PCDHGB1: variants seen among roughly 807,000 people sequenced by gnomAD.
The protein encoded by PCDHGB1 is protocadherin gamma subfamily B, 1.
Under a neutral mutation model 56.6 loss-of-function variants are expected in PCDHGB1, and 34 were observed. The ratio of observed to expected loss-of-function variants is 0.60; its 90% CI spans 0.46 to 0.80. PCDHGB1 has a LOEUF of 0.80. Among genes scored for constraint, PCDHGB1 ranks in the 30% least tolerant of loss-of-function variants. PCDHGB1 has a pLI of 0.00. For missense variants in PCDHGB1, 1,278 were observed against 1,204.6 expected (o/e 1.06, Z -0.90); for synonymous variants, 561 against 505.9 (o/e 1.11, Z -1.46).
At chr5:141,394,060 C>T (rs1437765710) in intron 1 of PCDHGB1, 1 of 1,613,662 alleles carries the variant, frequency 6.2e-7, no homozygotes, top group Non-Finnish European at 8.5e-7. Context: ...GAAAATGTCT[C>T]TATCTACAAT....
intron 1 of PCDHGB1, among the ~76,000 whole-genome samples, chr5:141,483,652 G>A (rs746306843): frequency 2.0e-5 from 3 of 151,916 alleles, no homozygotes; most frequent in Non-Finnish European, 4.4e-5. Context: ...GTGTGTTTGT[G>A]TGTGTGTGTG....
intron 1 of PCDHGB1, chr5:141,383,705 T>A: frequency 1.2e-6 from 2 of 1,614,020 alleles, no homozygotes; most frequent in Non-Finnish European, 1.7e-6. Flanking sequence ...GCTATCGACC[T>A]GGACGAGGGA....
Position 141,492,511 on chromosome 5 carries a change from C to T in PCDHGB1, c.2410-2296C>T, listed in dbSNP as rs58889912. Among the ~76,000 whole-genome samples the T allele has an allele frequency of 1.7e-3, 262 of 152,326 alleles. 2 individuals are homozygous for T. The highest frequency in any genetic ancestry group is 6.0e-3 in the African/African-American group (249 of 41,582). On this transcript the variant is annotated intron_variant, in intron 1 of 3. Coordinates refer to ENST00000523390, the MANE Select transcript of PCDHGB1 (RefSeq NM_018922.3). Reference sequence around the variant, plus strand: ...CCAGGCGAGGACTCCGGAGCCTCCTCTCACCTCTCCCACCTGCGCCCCGGG... The same window carrying T: ...CCAGGCGAGGACTCCGGAGCCTCCTTTCACCTCTCCCACCTGCGCCCCGGG...
At chr5:141,399,597 C>A in intron 1 of PCDHGB1, 3 of 1,613,958 alleles carry the variant, frequency 1.9e-6, no homozygotes, top group Non-Finnish European at 2.5e-6. Context: ...TCATGGCCAG[C>A]GACCTAGAGC....
In PCDHGB1 at chr5:141,384,908, A is replaced by C. The variant is rs868472813; in HGVS notation, c.2409+32239A>C. 24 of 1,613,860 alleles carry C rather than the reference A, an allele frequency of 1.5e-5. 1 individual carries two copies. The highest frequency in any genetic ancestry group is 9.9e-5 in the South Asian group (9 of 91,086). ...GTGGCTGTGGCTGACAGCATCCCCG[A>C]AGTCTTGGCCGACCTGGGCAGCCTT... On this transcript the variant is annotated intron_variant, in intron 1 of 3. Coordinates refer to ENST00000523390, the MANE Select transcript of PCDHGB1 (RefSeq NM_018922.3).
chr5:141,381,582 C>T (rs1777289375), intron 1 of PCDHGB1, among the ~76,000 whole-genome samples: 1 of 152,154 alleles, frequency 6.6e-6, no homozygotes, highest in African/African-American at 2.4e-5. Flanking sequence ...TCAGCCAATC[C>T]ATTATCCAGT....
intron 1 of PCDHGB1, chr5:141,428,257 G>T: frequency 1.2e-6 from 1 of 865,866 alleles, no homozygotes; most frequent in South Asian, 1.4e-5. Context: ...AGACTTCAGT[G>T]ACAGTCCTGT....
chr5:141,383,412 G>C (rs1417112594), intron 1 of PCDHGB1: 3 of 1,613,874 alleles, frequency 1.9e-6, no homozygotes, highest in East Asian at 2.2e-5. Context: ...AGAGTTACCA[G>C]CTCAGCCCCA....
At chr5:141,506,188 C>T (rs925159785) in intron 3 of PCDHGB1, among the ~76,000 whole-genome samples, 2 of 152,058 alleles carry the variant, frequency 1.3e-5, no homozygotes, top group African/African-American at 4.8e-5. Flanking sequence ...TGGTGGCTCA[C>T]GCCTGTAATC....
intron 1 of PCDHGB1, among the ~76,000 whole-genome samples, chr5:141,437,771 A>G (rs971065583): frequency 7.9e-5 from 12 of 151,238 alleles, no homozygotes; most frequent in Admixed American, 6.6e-5. Context: ...CAGAGTCTCA[A>G]TCTGTCGCCA....
At chr5:141,383,279 A>G in intron 1 of PCDHGB1, 7 of 1,613,948 alleles carry the variant, frequency 4.3e-6, no homozygotes, top group Non-Finnish European at 5.9e-6. Context: ...ATAGATATTA[A>G]TGACAACGTT....
intron 1 of PCDHGB1, among the ~76,000 whole-genome samples, chr5:141,455,160 G>GTT (rs59530096): frequency 1.3e-4 from 20 of 149,232 alleles, no homozygotes; most frequent in South Asian, 1.1e-3. Flanking sequence ...TAGTTTGTTG[G>GTT]TTTTTTTTTT....
chr5:141,507,075 C>T (rs1006779614), intron 3 of PCDHGB1: 25 of 152,176 alleles, frequency 1.6e-4, no homozygotes, highest in Admixed American at 1.1e-3. Context: ...CCTGGCTCAA[C>T]TCCTAAGTTT....
intron 1 of PCDHGB1, among the ~76,000 whole-genome samples, chr5:141,435,219 C>A (rs1226171884): frequency 6.6e-6 from 1 of 152,118 alleles, no homozygotes; most frequent in Non-Finnish European, 1.5e-5. Flanking sequence ...AATTTACTTT[C>A]TTTCAAAGTT....
At chr5:141,461,131 T>G (rs1372557827) in intron 1 of PCDHGB1, among the ~76,000 whole-genome samples, 1 of 152,094 alleles carries the variant, frequency 6.6e-6, no homozygotes, top group Non-Finnish European at 1.5e-5. Flanking sequence ...TATAATTACT[T>G]ATTTTCCTTT....
intron 1 of PCDHGB1, among the ~76,000 whole-genome samples, chr5:141,381,748 T>C (rs1252356879): frequency 6.6e-6 from 1 of 152,130 alleles, no homozygotes; most frequent in Non-Finnish European, 1.5e-5. Context: ...GATTCCGACA[T>C]TGTTCTACTA....
Position 141,431,534 on chromosome 5 carries a change from A to G in PCDHGB1, c.2410-63273A>G, listed in dbSNP as rs1331176313. Reference sequence around the variant, plus strand: ...CGTTCCGGAGAATCTGGCCTTGGGCACGCAGCTGCTTGTAGTCAACGCTAC... The same window carrying G: ...CGTTCCGGAGAATCTGGCCTTGGGCGCGCAGCTGCTTGTAGTCAACGCTAC... On this transcript the variant is annotated intron_variant, in intron 1 of 3. Coordinates refer to ENST00000523390, the MANE Select transcript of PCDHGB1 (RefSeq NM_018922.3). This position sits in a 1 kb window ranked among gnomAD's most constrained non-coding sequence, Gnocchi z 4.8. The G allele has an allele frequency of 1.2e-6, 2 of 1,614,110 alleles. No individual in the cohort carries two copies. The highest frequency in any genetic ancestry group is 8.5e-7 in the Non-Finnish European group (1 of 1,180,042).
chr5:141,387,756 A>G, intron 1 of PCDHGB1: 1 of 1,413,288 alleles, frequency 7.1e-7, no homozygotes, highest in Non-Finnish European at 9.4e-7. Context: ...CTCCTCGGAA[A>G]AAGAAGAATT....
At chr5:141,480,726 G>A (rs2099524533) in intron 1 of PCDHGB1, among the ~76,000 whole-genome samples, 1 of 152,138 alleles carries the variant, frequency 6.6e-6, no homozygotes, top group Non-Finnish European at 1.5e-5. Context: ...CACAGTCTCT[G>A]GGGGTGGGAC....
Sources: allele counts gnomAD v4.1 joint callset (sites outside exome capture counted in the v4.1 genomes callset), GRCh38; gene constraint gnomAD v4.1.1; non-coding constraint Gnocchi (gnomAD v3.1); transcripts MANE v1.5; gene names NCBI Gene and HGNC (gene_info 2026-07-23, HGNC 2026-07-21).